The following A4GALT variants were observed in gnomAD, a reference collection of about 807,000 sequenced individuals.
A4GALT encodes the protein alpha 1,4-galactosyltransferase (P1PK blood group).
For missense variants in A4GALT, 512 were observed against 486.0 expected, an observed-to-expected ratio of 1.05 and a Z score of -0.50; for synonymous variants, 257 against 220.7, an observed-to-expected ratio of 1.16 and a Z score of -1.46.
intron 1 of A4GALT, among the ~76,000 whole-genome samples, chr22:42,717,486 GCCCCT>G (rs1433220757): frequency 6.6e-6 from 1 of 152,066 alleles, no homozygotes; most frequent in Non-Finnish European, 1.5e-5. Flanking sequence ...TGTCCCCCAA[GCCCCT>G]CCCTCTTGCC....
At chr22:42,720,203 G>C (rs1024457343) in intron 1 of A4GALT, among the ~76,000 whole-genome samples, 2 of 152,158 alleles carry the variant, frequency 1.3e-5, no homozygotes, top group African/African-American at 4.8e-5. Context: ...CTCGCCCCGT[G>C]CCCAGCTCGT....
intron 1 of A4GALT, among the ~76,000 whole-genome samples, chr22:42,717,627 T>C (rs1922309426): frequency 6.6e-6 from 1 of 152,148 alleles, no homozygotes; most frequent in Non-Finnish European, 1.5e-5. Context: ...AGCTGAGCTC[T>C]CTCTTCTAGC....
chr22:42,702,040 T>C (rs1352998730), intron 1 of A4GALT, among the ~76,000 whole-genome samples: 1 of 152,226 alleles, frequency 6.6e-6, no homozygotes, highest in Non-Finnish European at 1.5e-5. Context: ...TCCTGCTTTT[T>C]CTCCCTGGGA....
Position 42,692,682 on chromosome 22 carries a change from C to T in A4GALT, c.*208G>A, listed in dbSNP as rs1214187037. 7 of 711,042 alleles carry T rather than the reference C, an allele frequency of 9.8e-6. No homozygotes were observed. The highest frequency in any genetic ancestry group is 2.3e-4 in the Middle Eastern group (1 of 4,344). The allele number at this position is 711,042 out of a possible 1,614,324, so 44.0% of individuals were successfully genotyped here. ...TGAGCGCCCTCCGCTGGCTATGGCA[C>T]CATGTGTCAGCCCTGCCTCGAGACA... On this transcript the variant is annotated 3_prime_UTR_variant, in exon 3 of 3. Coordinates refer to ENST00000642412, the MANE Select transcript of A4GALT (RefSeq NM_017436.7). The surrounding 1 kb of genome is among the most constrained non-coding windows in gnomAD (Gnocchi z 4.6).
chr22:42,713,424 T>C (rs902878130), intron 1 of A4GALT, among the ~76,000 whole-genome samples: 11 of 152,198 alleles, frequency 7.2e-5, no homozygotes, highest in Admixed American at 5.2e-4. Flanking sequence ...GCGGCCCCTC[T>C]CCAAGGTCAG....
At chr22:42,706,350 A>C (rs1420068525) in intron 1 of A4GALT, among the ~76,000 whole-genome samples, 2 of 70,290 alleles carry the variant, frequency 2.8e-5, no homozygotes, top group Non-Finnish European at 5.4e-5. Flanking sequence ...GCGAGACTCC[A>C]TCCCAAAAAA....
chr22:42,697,784 C>T (rs972328897), intron 1 of A4GALT, among the ~76,000 whole-genome samples: 2 of 152,018 alleles, frequency 1.3e-5, no homozygotes, highest in Admixed American at 1.3e-4. Context: ...GGGCCTGGCA[C>T]ACCCCTGCTG....
At chr22:42,707,955 C>CA (rs754976957) in intron 1 of A4GALT, among the ~76,000 whole-genome samples, 60,665 of 105,996 alleles carry the variant, frequency 0.57, 15,483 homozygotes, top group East Asian at 0.81. Flanking sequence ...ACTGTCACTA[C>CA]AAAAAAAAAA....
At position 42,710,875 on chromosome 22, in the gene A4GALT, A is replaced by T. The variant is rs562734427; in HGVS notation, c.-188+9922T>A. Among the ~76,000 whole-genome samples the T allele has an allele frequency of 7.9e-5, 12 of 152,070 alleles. No individual in the cohort carries two copies. In the East Asian group the frequency reaches 1.7e-3, roughly 22 times the overall value. On this transcript the variant is annotated intron_variant, in intron 1 of 2. Coordinates refer to ENST00000642412, the MANE Select transcript of A4GALT (RefSeq NM_017436.7). ...TATCTCTACTAAAAATACAAAAAAA[A>T]TTAGCCAGGTGTGGTGGTGCACACC...
At chr22:42,720,983 G>A (rs28910284), upstream of A4GALT, 31,645 of 150,054 alleles carry the variant, frequency 0.21, 4,080 homozygotes, top group South Asian at 0.37. Context: ...GAGCCCTTGC[G>A]GGGTCCCCGC....
At chr22:42,712,105 T>C (rs1921748965) in intron 1 of A4GALT, among the ~76,000 whole-genome samples, 1 of 152,242 alleles carries the variant, frequency 6.6e-6, no homozygotes, top group African/African-American at 2.4e-5. Context: ...TAGCTCTTCA[T>C]GGTAAAGTAC....
intron 1 of A4GALT, among the ~76,000 whole-genome samples, chr22:42,697,306 C>T (rs968355886): frequency 7.2e-5 from 11 of 151,998 alleles, no homozygotes; most frequent in Non-Finnish European, 1.5e-4. Context: ...GGGCAGAGGC[C>T]GGGTGAGCTC....
intron 1 of A4GALT, among the ~76,000 whole-genome samples, chr22:42,717,942 A>C (rs1922337159): frequency 6.6e-6 from 1 of 152,200 alleles, no homozygotes; most frequent in Non-Finnish European, 1.5e-5. Flanking sequence ...CATTTCTAGG[A>C]AATACGAAGA....
intron 1 of A4GALT, among the ~76,000 whole-genome samples, chr22:42,713,703 T>C (rs565703173): frequency 3.9e-5 from 6 of 151,988 alleles, no homozygotes; most frequent in African/African-American, 1.2e-4. Context: ...TCCCAGCTAC[T>C]TGTAAGGCTG....
intron 1 of A4GALT, among the ~76,000 whole-genome samples, chr22:42,697,847 T>TC (rs1931044117): frequency 6.6e-6 from 1 of 152,122 alleles, no homozygotes; most frequent in Non-Finnish European, 1.5e-5. Flanking sequence ...AGGGAGCTAC[T>TC]CCCAGTTAGC....
At chr22:42,711,467 A>G (rs1921688692) in intron 1 of A4GALT, among the ~76,000 whole-genome samples, 1 of 152,210 alleles carries the variant, frequency 6.6e-6, no homozygotes, top group Non-Finnish European at 1.5e-5. Context: ...GCAAAAGATT[A>G]GAAACAACCC....
In A4GALT at chr22:42,693,750, T is replaced by TGGGGGGGGGGGGGGGGGGGGGG; in HGVS notation, c.201_202insCCCCCCCCCCCCCCCCCCCCCC (p.Thr68ProfsTer222). On this transcript the variant is annotated frameshift_variant, in exon 3 of 3. Coordinates refer to ENST00000642412, the MANE Select transcript of A4GALT (RefSeq NM_017436.7). LOFTEE classifies it low-confidence loss of function (END_TRUNC). ...GGAGTGGGGCCGTGGGAGGGTGGGG[T>TGGGGGGGGGGGGGGGGGGGGGG]GGGGGGTGTCAAGGTGGGGCAGGGG... 1.0e-5 allele frequency: 4 copies of TGGGGGGGGGGGGGGGGGGGGGG among 391,328 alleles called. No individual in the cohort carries two copies. Among genetic ancestry groups the TGGGGGGGGGGGGGGGGGGGGGG allele is most frequent in the East Asian group, 7.6e-5 (1 of 13,242 alleles). The allele number at this position is 391,328 out of a possible 1,614,324, so 24.2% of individuals were successfully genotyped here. A position where few individuals can be genotyped will look rare whatever the true frequency, so the allele number is the denominator to read the frequency against.
Position 42,692,483 on chromosome 22 carries a change from TAC to T in A4GALT, c.*405_*406del. The T allele has an allele frequency of 2.8e-6, 1 of 360,584 alleles. No homozygotes were observed. The highest frequency in any genetic ancestry group is 5.5e-6 in the Non-Finnish European group (1 of 181,750). The allele number at this position is 360,584 out of a possible 1,614,324, so 22.3% of individuals were successfully genotyped here. The stretch of plus-strand genomic sequence containing the variant: ...GTCTCCCCCAGCCCTGCCACTTTCC[TAC>T]CAACAGCCTCCTCTCCTCTCTGGGA... On this transcript the variant is annotated 3_prime_UTR_variant, in exon 3 of 3. Transcript: ENST00000642412. The surrounding 1 kb of genome is among the most constrained non-coding windows in gnomAD (Gnocchi z 4.6).
chr22:42,706,585 A>T (rs1342412739), intron 1 of A4GALT, among the ~76,000 whole-genome samples: 1 of 152,016 alleles, frequency 6.6e-6, no homozygotes. Flanking sequence ...ACCTGAGGTC[A>T]GGAGTTCGAG....
Sources: allele counts gnomAD v4.1 joint callset (sites outside exome capture counted in the v4.1 genomes callset), GRCh38; gene constraint gnomAD v4.1.1; non-coding constraint Gnocchi (gnomAD v3.1); transcripts MANE v1.5; gene names NCBI Gene and HGNC (gene_info 2026-07-23, HGNC 2026-07-21).